ZC3H11A: variants seen among roughly 807,000 people sequenced by gnomAD.
The protein encoded by ZC3H11A is zinc finger CCCH domain-containing protein 11A.
In ZC3H11A, 22 loss-of-function variants were observed where a neutral mutation model predicts 90.8. The ratio of observed to expected loss-of-function variants is 0.24; its 90% CI spans 0.17 to 0.35. The LOEUF (loss-of-function observed/expected upper bound fraction) is 0.35, where lower values mean the gene tolerates loss of function less well. ZC3H11A is among the 10% of genes least tolerant of loss of function. The probability of loss-of-function intolerance (pLI) is 1.00; values close to 1 mark genes in which losing one functional copy is unlikely to be tolerated. For synonymous variants in ZC3H11A, 294 were observed against 339.8 expected (o/e 0.87, Z 1.48); for missense variants, 701 against 964.9 (o/e 0.73, Z 3.62).
chr1:203,835,158 C>A (rs1307412270), intron 10 of ZC3H11A, among the ~76,000 whole-genome samples: 1 of 152,180 alleles, frequency 6.6e-6, no homozygotes, highest in African/African-American at 2.4e-5. Context: ...ATGCACTTTA[C>A]GCTCTAAGTA....
chr1:203,812,292 T>C (rs974221678), intron 2 of ZC3H11A, among the ~76,000 whole-genome samples: 6 of 152,186 alleles, frequency 3.9e-5, no homozygotes, highest in Non-Finnish European at 8.8e-5. Context: ...TACCTTCTGA[T>C]AGGCTCCAGT....
rs781717738 is a variant in ZC3H11A, at chr1:203,822,465, C to T, written c.174+3776C>T. Among the ~76,000 whole-genome samples the T allele has an allele frequency of 9.2e-5, 14 of 152,076 alleles. 1 individual carries two copies. Among genetic ancestry groups the T allele is most frequent in the Non-Finnish European group, 1.8e-4 (12 of 68,014 alleles). ...ATCCCTATAATGGATACTGTTTTCA[C>T]ACCTTTGGGCTGTGATACTTTGTGC... On this transcript the variant is annotated intron_variant, in intron 4 of 17. Transcript: ENST00000367210.
At chr1:203,837,904 G>A (rs1012336917) in intron 10 of ZC3H11A, 62 bp from the exon 11 acceptor site, 29 of 1,488,806 alleles carry the variant, frequency 1.9e-5, no homozygotes, top group Non-Finnish European at 2.5e-5. Context: ...GTTTTTGTTT[G>A]TATTTCTTGT....
intron 10 of ZC3H11A, among the ~76,000 whole-genome samples, chr1:203,835,011 A>C (rs892490304): frequency 6.6e-6 from 1 of 152,186 alleles, no homozygotes; most frequent in Admixed American, 6.6e-5. Flanking sequence ...AATGTCCTAA[A>C]AAGGAAACCT....
At chr1:203,819,823 C>T (rs951854680) in intron 4 of ZC3H11A, among the ~76,000 whole-genome samples, 2 of 151,462 alleles carry the variant, frequency 1.3e-5, no homozygotes, top group Non-Finnish European at 2.9e-5. Context: ...CATGAGCCAC[C>T]GCGCCCAGCC....
intron 2 of ZC3H11A, among the ~76,000 whole-genome samples, chr1:203,805,001 A>G (rs897630609): frequency 2.6e-5 from 4 of 151,828 alleles, no homozygotes; most frequent in African/African-American, 7.3e-5. Context: ...TATGTTTGTA[A>G]TTTATGCCTT....
chr1:203,833,313 C>T (rs978568752), intron 9 of ZC3H11A, among the ~76,000 whole-genome samples: 22 of 147,978 alleles, frequency 1.5e-4, no homozygotes, highest in Non-Finnish European at 3.1e-4. Flanking sequence ...TGCAGTGAGC[C>T]GAGATCGGGC....
At position 203,831,641 on chromosome 1, in the gene ZC3H11A, C is replaced by T. The variant is rs1337412691; in HGVS notation, c.701-20C>T. On this transcript the variant is annotated intron_variant, in intron 8 of 17. Coordinates refer to ENST00000367210, the MANE Select transcript of ZC3H11A (RefSeq NM_001376342.1). ...TATTTTCCATAAATTATTTGCTGTT[C>T]TTTGACTTGCCTTATTCAGAGGGTT... The T allele has an allele frequency of 3.1e-6, 5 of 1,598,740 alleles. No homozygotes were observed. Among genetic ancestry groups the T allele is most frequent in the African/African-American group, 1.3e-5 (1 of 74,660 alleles).
rs1244796270 is a variant in ZC3H11A at position 203,848,412 on chromosome 1, A to G, written c.1623+5A>G. On this transcript the variant is annotated splice_donor_5th_base_variant and intron_variant, in intron 14 of 17. Coordinates refer to ENST00000367210, the MANE Select transcript of ZC3H11A (RefSeq NM_001376342.1). Reference sequence around the variant, plus strand: ...ATTAGAACAGAAGCTAAAGAGGTAAATTTAAGATTATTGTATGGTTTTGTT... The same window carrying G: ...ATTAGAACAGAAGCTAAAGAGGTAAGTTTAAGATTATTGTATGGTTTTGTT... 1 of 1,601,510 alleles carries G rather than the reference A, an allele frequency of 6.2e-7. No individual in the cohort carries two copies. Among genetic ancestry groups the G allele is most frequent in the African/African-American group, 1.3e-5 (1 of 74,510 alleles).
intron 1 of ZC3H11A, chr1:203,796,452 A>T (rs1218142990): frequency 2.5e-6 from 1 of 398,870 alleles, no homozygotes; most frequent in Admixed American, 4.4e-5. Context: ...TCCTTGTAGG[A>T]CTGGTGAAAC....
intron 9 of ZC3H11A, among the ~76,000 whole-genome samples, chr1:203,832,249 C>G (rs990808163): frequency 6.6e-6 from 1 of 151,898 alleles, no homozygotes; most frequent in African/African-American, 2.4e-5. Flanking sequence ...TTAGTAGAGA[C>G]GGGGTTTCTC....
intron 1 of ZC3H11A, chr1:203,801,079 C>T (rs1466491296): frequency 6.6e-6 from 1 of 152,096 alleles, no homozygotes; most frequent in Non-Finnish European, 1.5e-5. Flanking sequence ...GGAAAATATA[C>T]TTTTAGTCTT....
chr1:203,821,502 T>C (rs1389023531), intron 4 of ZC3H11A, among the ~76,000 whole-genome samples: 1 of 152,188 alleles, frequency 6.6e-6, no homozygotes, highest in Non-Finnish European at 1.5e-5. Flanking sequence ...TTTTGATGTT[T>C]CCATCATTCT....
intron 12 of ZC3H11A, among the ~76,000 whole-genome samples, chr1:203,841,951 G>A: frequency 8.9e-6 from 1 of 112,696 alleles, no homozygotes; most frequent in African/African-American, 3.6e-5. Context: ...ACACTCCTCA[G>A]TTCCCAGACG....
intron 1 of ZC3H11A, chr1:203,800,107 C>CTGCTGTAGT: frequency 6.5e-7 from 1 of 1,536,150 alleles, no homozygotes; most frequent in Non-Finnish European, 8.7e-7. Context: ...ATGTTCCCTT[C>CTGCTGTAGT]TGCTGTAGCA....
intron 2 of ZC3H11A, among the ~76,000 whole-genome samples, chr1:203,812,320 A>G (rs955227068): frequency 2.6e-5 from 4 of 151,914 alleles, no homozygotes; most frequent in African/African-American, 4.8e-5. Flanking sequence ...GTTCCCCTCT[A>G]TGTGTCCAAG....
In ZC3H11A at chr1:203,809,563, T is replaced by C. The variant is rs191361490; in HGVS notation, c.-146+6547T>C. Among the ~76,000 whole-genome samples the C allele has an allele frequency of 2.0e-3, 303 of 152,330 alleles. 1 individual carries two copies. The highest frequency in any genetic ancestry group is 6.9e-3 in the African/African-American group (287 of 41,568). On this transcript the variant is annotated intron_variant, in intron 2 of 17. Coordinates refer to ENST00000367210, the MANE Select transcript of ZC3H11A (RefSeq NM_001376342.1). ...AGAGCATGAAGATTTTAAAATAATA[T>C]GTCCTTTTTCCTACATTAACTTCTA...
At chr1:203,821,540 A>G (rs1678697595) in intron 4 of ZC3H11A, among the ~76,000 whole-genome samples, 1 of 152,102 alleles carries the variant, frequency 6.6e-6, no homozygotes, top group Admixed American at 6.6e-5. Context: ...TTGGCCTGAC[A>G]AGATTTTCCA....
intron 2 of ZC3H11A, chr1:203,805,549 G>A (rs559861662): frequency 1.4e-5 from 8 of 574,584 alleles, no homozygotes; most frequent in South Asian, 5.6e-5. Flanking sequence ...TATCTGTTAC[G>A]GTAAATTTGG....
Sources: allele counts gnomAD v4.1 joint callset (sites outside exome capture counted in the v4.1 genomes callset), GRCh38; gene constraint gnomAD v4.1.1; transcripts MANE v1.5; gene names NCBI Gene and HGNC (gene_info 2026-07-23, HGNC 2026-07-21).